The following TPX2 variants were observed in gnomAD, a reference collection of about 807,000 sequenced individuals.
TPX2 encodes TPX2 microtubule nucleation factor, also known as targeting protein for Xklp2.
TPX2 carries 21 observed loss-of-function variants against 93.6 expected under a neutral mutation model. That is an observed-to-expected ratio of 0.22 (90% CI 0.16 to 0.32). The LOEUF (loss-of-function observed/expected upper bound fraction) is 0.32, where lower values mean the gene tolerates loss of function less well. TPX2 is among the 10% of genes least tolerant of loss of function. The pLI, the probability that TPX2 is intolerant of heterozygous loss-of-function variation, is 1.00. For synonymous variants in TPX2, 281 were observed against 298.3 expected, an observed-to-expected ratio of 0.94 and a Z score of 0.60; for missense variants, 776 against 871.1, an observed-to-expected ratio of 0.89 and a Z score of 1.37.
intron 3 of TPX2, among the ~76,000 whole-genome samples, chr20:31,759,357 T>G (rs1010352439): frequency 6.6e-6 from 1 of 151,808 alleles, no homozygotes; most frequent in Non-Finnish European, 1.5e-5. Flanking sequence ...CAGTATCTCT[T>G]GTAAGCCCTA....
At chr20:31,781,063 A>G (rs2062030443) in intron 10 of TPX2, 1 of 246,508 alleles carries the variant, frequency 4.1e-6, no homozygotes, top group Non-Finnish European at 8.1e-6. Flanking sequence ...GGGACTATAT[A>G]TAGGTGCATG....
intron 2 of TPX2, among the ~76,000 whole-genome samples, chr20:31,745,839 T>G (rs1202102705): frequency 6.6e-6 from 1 of 152,230 alleles, no homozygotes; most frequent in Non-Finnish European, 1.5e-5. Context: ...TTTTAGTATT[T>G]TACAAAGCTC....
chr20:31,763,037 T>C (rs2061899848), intron 4 of TPX2, among the ~76,000 whole-genome samples: 1 of 152,228 alleles, frequency 6.6e-6, no homozygotes, highest in African/African-American at 2.4e-5. Context: ...TCTGTGTGTC[T>C]GTTTTTATGC....
chr20:31,794,987 AT>A (rs2062128220), intron 15 of TPX2, among the ~76,000 whole-genome samples: 1 of 151,436 alleles, frequency 6.6e-6, no homozygotes, highest in Non-Finnish European at 1.5e-5. Flanking sequence ...AGCCTGGCTA[AT>A]TTTTTTATAT....
intron 3 of TPX2, among the ~76,000 whole-genome samples, chr20:31,758,119 ATTTT>A (rs35354345): frequency 0.062 from 7,141 of 115,134 alleles, 182 homozygotes; most frequent in Middle Eastern, 0.13. Flanking sequence ...CCCTCAATTC[ATTTT>A]TTTTTTTTTT....
chr20:31,768,791 C>G (rs1344340709), intron 5 of TPX2, among the ~76,000 whole-genome samples: 1 of 152,178 alleles, frequency 6.6e-6, no homozygotes, highest in Non-Finnish European at 1.5e-5. Flanking sequence ...ACGACTTAAA[C>G]TAGCACTTAC....
Position 31,794,395 on chromosome 20 carries a change from C to T in TPX2, c.1687-7C>T, listed in dbSNP as rs2062121972. On this transcript the variant is annotated splice_region_variant and splice_polypyrimidine_tract_variant and intron_variant, in intron 14 of 17. Transcript: ENST00000300403. ...TATCTTAAACCTCATGTTTTCTTTT[C>T]TGTTAGGTGCCCAAGTTCAAGGCAC... 6.2e-7 allele frequency: 1 copy of T among 1,612,522 alleles called. No individual in the cohort carries two copies. The highest frequency in any genetic ancestry group is 1.7e-5 in the Admixed American group (1 of 59,608).
chr20:31,752,399 G>C (rs1218571008), intron 2 of TPX2, among the ~76,000 whole-genome samples: 4 of 152,182 alleles, frequency 2.6e-5, no homozygotes, highest in Non-Finnish European at 5.9e-5. Context: ...TGGCTATCAG[G>C]AGGTAACTTC....
chr20:31,776,579 G>A (rs1031985759), intron 8 of TPX2, among the ~76,000 whole-genome samples: 1 of 150,892 alleles, frequency 6.6e-6, no homozygotes, highest in African/African-American at 2.4e-5. Flanking sequence ...AGGCTGGAGT[G>A]CAGTGGCGTG....
At chr20:31,777,752 C>T (rs1414230943) in intron 9 of TPX2, 114 bp downstream of exon 9, 4 of 1,079,638 alleles carry the variant, frequency 3.7e-6, no homozygotes, top group South Asian at 2.0e-5. Context: ...AACCTTGTGT[C>T]TATAAAGTTG....
intron 12 of TPX2, among the ~76,000 whole-genome samples, chr20:31,786,771 G>A (rs759777586): frequency 4.6e-5 from 7 of 152,180 alleles, no homozygotes; most frequent in Non-Finnish European, 1.0e-4. Flanking sequence ...AGAAATGCTA[G>A]GGTGAAGTAG....
intron 15 of TPX2, among the ~76,000 whole-genome samples, chr20:31,796,858 TA>T (rs2062141947): frequency 6.6e-6 from 1 of 152,150 alleles, no homozygotes; most frequent in South Asian, 2.1e-4. Context: ...TTGTTTTTTT[TA>T]ATTGACAAAT....
At chr20:31,745,950 T>G (rs2061781506) in intron 2 of TPX2, among the ~76,000 whole-genome samples, 1 of 152,190 alleles carries the variant, frequency 6.6e-6, no homozygotes, top group South Asian at 2.1e-4. Context: ...ATGGATAAAT[T>G]ATAGCAAAAC....
chr20:31,778,458 T>C (rs2062015244), intron 9 of TPX2, among the ~76,000 whole-genome samples: 1 of 152,138 alleles, frequency 6.6e-6, no homozygotes, highest in Non-Finnish European at 1.5e-5. Flanking sequence ...CCAATCAATT[T>C]TTTTTTTTAA....
At chr20:31,789,704 G>T (rs2062088452) in intron 12 of TPX2, among the ~76,000 whole-genome samples, 1 of 152,086 alleles carries the variant, frequency 6.6e-6, no homozygotes, top group Non-Finnish European at 1.5e-5. Flanking sequence ...TTTGATGGAA[G>T]GGGGGCTGGG....
At position 31,760,044 on chromosome 20, in the gene TPX2, TC is replaced by T; in HGVS notation, c.107-10del. The T allele has an allele frequency of 6.2e-7, 1 of 1,611,866 alleles. No homozygotes were observed. Among genetic ancestry groups the T allele is most frequent in the South Asian group, 1.1e-5 (1 of 90,566 alleles). On this transcript the variant is annotated splice_polypyrimidine_tract_variant and intron_variant, in intron 3 of 17. Transcript: ENST00000300403. ...CTTGCTGATCAGACAATGATGATCT[TC>T]CCTTTTCACAGAGGAGAAGGCCAAT...
At chr20:31,742,012 A>T (rs116770655) in intron 1 of TPX2, among the ~76,000 whole-genome samples, 1,888 of 152,316 alleles carry the variant, frequency 0.012, 34 homozygotes, top group African/African-American at 0.044. Context: ...TGAAAAAAGG[A>T]TAGATAACTG....
At chr20:31,773,143 ATT>A (rs769516478) in intron 7 of TPX2, among the ~76,000 whole-genome samples, 4 of 102,338 alleles carry the variant, frequency 3.9e-5, no homozygotes, top group African/African-American at 7.9e-5. Context: ...CACCCGGCTA[ATT>A]TTTTTTTTTT....
At chr20:31,775,268 G>A (rs6058460) in intron 7 of TPX2, among the ~76,000 whole-genome samples, 43,053 of 151,834 alleles carry the variant, frequency 0.28, 7,470 homozygotes, top group African/African-American at 0.48. Context: ...CAATCTCATC[G>A]TTTATGATCA....
Sources: allele counts gnomAD v4.1 joint callset (sites outside exome capture counted in the v4.1 genomes callset), GRCh38; gene constraint gnomAD v4.1.1; transcripts MANE v1.5; gene names NCBI Gene and HGNC (gene_info 2026-07-23, HGNC 2026-07-21).